Variants in DDX21 observed in about 807,000 individuals in gnomAD.
The protein encoded by DDX21 is nucleolar RNA helicase 2.
Under a neutral mutation model 90.0 loss-of-function variants are expected in DDX21, and 18 were observed. The observed-to-expected ratio is 0.20, with a 90% confidence interval of 0.14 to 0.30. The LOEUF (loss-of-function observed/expected upper bound fraction) is 0.30. Among genes scored for constraint, DDX21 ranks in the 10% least tolerant of loss-of-function variants. The probability of loss-of-function intolerance (pLI) is 1.00; values close to 1 mark genes in which losing one functional copy is unlikely to be tolerated. For missense variants in DDX21, 673 were observed against 944.5 expected (o/e 0.71, Z 3.77); for synonymous variants, 294 against 318.0 (o/e 0.92, Z 0.80).
intron 5 of DDX21, among the ~76,000 whole-genome samples, chr10:68,965,730 A>G (rs781469921): frequency 7.9e-5 from 12 of 152,148 alleles, no homozygotes; most frequent in Non-Finnish European, 1.6e-4. Flanking sequence ...CTACAAAAGT[A>G]ATTTATTATT....
In DDX21 at chr10:68,960,041, C is replaced by T; in HGVS notation, c.323C>T (p.Ser108Phe). 3 of 1,604,594 alleles carry T rather than the reference C, an allele frequency of 1.9e-6. No homozygotes were observed. Among genetic ancestry groups the T allele is most frequent in the Non-Finnish European group, 2.5e-6 (3 of 1,177,998 alleles). ...GAGCCCATTGAAAAGAAAGTGGTTTCTTCTAAAACCAAAAAAGTGACAAAA... is the reference window on the plus strand; with the variant it reads ...GAGCCCATTGAAAAGAAAGTGGTTTTTTCTAAAACCAAAAAAGTGACAAAA... Reference protein sequence around the residue: ...KKEPIEKKVVSSKTKKVTKNE... With the variant: ...KKEPIEKKVVFSKTKKVTKNE... Residue 108 changes from serine (S) to phenylalanine (F), a missense_variant, in exon 2 of 15, where the codon TCT becomes TTT. Coordinates refer to ENST00000354185, the MANE Select transcript of DDX21 (RefSeq NM_004728.4).
At chr10:68,960,761 C>T (rs1446044222) in intron 2 of DDX21, among the ~76,000 whole-genome samples, 3 of 134,298 alleles carry the variant, frequency 2.2e-5, no homozygotes, top group African/African-American at 8.7e-5. Flanking sequence ...CTGTTCCCAG[C>T]GGACTCTGTC....
intron 13 of DDX21, among the ~76,000 whole-genome samples, chr10:68,980,240 TA>T (rs537982171): frequency 4.6e-5 from 7 of 150,848 alleles, no homozygotes; most frequent in South Asian, 2.1e-4. Flanking sequence ...AACTCCGTCT[TA>T]AAAAAAAAAT....
Position 68,967,088 on chromosome 10 carries a change from T to C in DDX21, c.975T>C (p.Asn325=), listed in dbSNP as rs762830036. The change falls in exon 6 of 15, where the codon AAT becomes AAC. Residue 325 remains asparagine, a synonymous_variant. Coordinates refer to ENST00000354185, the MANE Select transcript of DDX21 (RefSeq NM_004728.4). ...GTCGTATCAAAGACCACATACAGAA[T>C]GGCAAACTAGATCTCACCAAACTTA... is the stretch of plus-strand genomic sequence containing the variant. The part of the protein sequence containing the change: ...TPGRIKDHIQ[N]GKLDLTKLKH... 4 of 1,612,484 alleles carry C rather than the reference T, an allele frequency of 2.5e-6. No individual in the cohort carries two copies. Among genetic ancestry groups the C allele is most frequent in the Non-Finnish European group, 3.4e-6 (4 of 1,179,652 alleles).
At chr10:68,962,029 A>G (rs1842877765) in intron 2 of DDX21, 53 bp from the exon 3 acceptor site, 6 of 1,376,216 alleles carry the variant, frequency 4.4e-6, no homozygotes, top group Non-Finnish European at 5.1e-6. Flanking sequence ...AAGGTTCTCT[A>G]TTAATTTGTG....
chr10:68,963,446 AG>A lies in DDX21; in HGVS notation c.765del (p.Lys256ArgfsTer21). 1 of 1,613,134 alleles carries A rather than the reference AG, an allele frequency of 6.2e-7. No individual in the cohort carries two copies. The highest frequency in any genetic ancestry group is 1.3e-5 in the African/African-American group (1 of 74,978). ...GAAACTTCATGGGGAACTGCAAGAC[AG>A]GAAGAGAGGCCGTGCCCCTCAGGTA... ...IEKLHGELQD[R>X]KRGRAPQVLV... On this transcript the variant is annotated frameshift_variant, in exon 4 of 15. Coordinates refer to ENST00000354185, the MANE Select transcript of DDX21 (RefSeq NM_004728.4). LOFTEE classifies it high-confidence loss of function.
At chr10:68,982,474 G>T in intron 14 of DDX21, 69 bp from the exon 15 acceptor site, 11 of 1,535,196 alleles carry the variant, frequency 7.2e-6, no homozygotes, top group Admixed American at 2.1e-5. Flanking sequence ...CAAATATTTT[G>T]TTTTTCTCAT....
chr10:68,970,235 C>A lies in DDX21; in HGVS notation c.1271C>A (p.Ala424Glu). ...LAIKCHWTQRAAVIGDVIRVY... is the reference protein window; with the variant it reads ...LAIKCHWTQREAVIGDVIRVY... Reference sequence around the variant, plus strand: ...ATTAAGTGCCACTGGACTCAGAGGGCAGCAGTTATTGGGGATGTCATCCGA... The same window carrying A: ...ATTAAGTGCCACTGGACTCAGAGGGAAGCAGTTATTGGGGATGTCATCCGA... Residue 424 changes from alanine (A) to glutamate (E), a missense_variant, in exon 8 of 15, where the codon GCA becomes GAA. Around this residue, in one of 4 missense-constraint regions of DDX21, gnomAD observed 218 missense variants for 347.3 expected, o/e 0.63. Transcript: ENST00000354185. 2 of 1,613,478 alleles carry A rather than the reference C, an allele frequency of 1.2e-6. No homozygotes were observed. Among genetic ancestry groups the A allele is most frequent in the Non-Finnish European group, 1.7e-6 (2 of 1,179,750 alleles).
intron 13 of DDX21, among the ~76,000 whole-genome samples, chr10:68,980,923 C>A (rs1439059428): frequency 6.7e-6 from 1 of 150,090 alleles, no homozygotes; most frequent in Non-Finnish European, 1.5e-5. Flanking sequence ...CACTGCACTC[C>A]AGCCTAGGCA....
chr10:68,977,427 A>G, intron 11 of DDX21, 102 bp from the exon 12 acceptor site: 1 of 1,071,452 alleles, frequency 9.3e-7, no homozygotes, highest in Non-Finnish European at 1.3e-6. Flanking sequence ...TATGTTACAC[A>G]TGTGAAAGAT....
chr10:68,957,378 G>A (rs1257158143), intron 1 of DDX21, among the ~76,000 whole-genome samples: 1 of 152,150 alleles, frequency 6.6e-6, no homozygotes, highest in Admixed American at 6.5e-5. Context: ...TTGCTTCCTA[G>A]TGATTTAACT....
chr10:68,974,489 A>G (rs1352169827), intron 10 of DDX21, among the ~76,000 whole-genome samples, 181 bp from the exon 11 acceptor site: 1 of 152,246 alleles, frequency 6.6e-6, no homozygotes, highest in Non-Finnish European at 1.5e-5. Context: ...GATGTTAATA[A>G]TAGCAGAAAC....
intron 5 of DDX21, among the ~76,000 whole-genome samples, chr10:68,966,717 A>C (rs1322256122): frequency 6.6e-6 from 1 of 152,130 alleles, no homozygotes; most frequent in Non-Finnish European, 1.5e-5. Flanking sequence ...CTGGGATTAC[A>C]GGCGTGACCC....
At chr10:68,973,255 C>A (rs1202685765) in intron 9 of DDX21, among the ~76,000 whole-genome samples, 1 of 152,024 alleles carries the variant, frequency 6.6e-6, no homozygotes, top group African/African-American at 2.4e-5. Flanking sequence ...TTAAAGAAAT[C>A]TTTTCAGTCT....
Position 68,960,246 on chromosome 10 carries a change from G to A in DDX21, c.528G>A (p.Glu176=). The change falls in exon 2 of 15, where the codon GAG becomes GAA. Residue 176 remains glutamate, a synonymous_variant. Transcript: ENST00000354185. ...GTGAAGAAAGTAACAGTGAGATAGA[G>A]CAGGTACATTTGCACTTCATTGGGT... ...AASEESNSEI[E]QEIPVEQKEG... 3 of 1,591,484 alleles carry A rather than the reference G, an allele frequency of 1.9e-6. No homozygotes were observed. Among genetic ancestry groups the A allele is most frequent in the South Asian group, 2.3e-5 (2 of 86,648 alleles).
intron 9 of DDX21, among the ~76,000 whole-genome samples, chr10:68,972,753 T>A (rs912940012): frequency 6.6e-6 from 1 of 152,224 alleles, no homozygotes; most frequent in Non-Finnish European, 1.5e-5. Flanking sequence ...GTGGTCTGAA[T>A]TGATCTGTGT....
Position 68,963,281 on chromosome 10 carries a change from T to C in DDX21, c.608-10T>C, listed in dbSNP as rs1406825500. Reference sequence around the variant, plus strand: ...TGCAGTGTGAGATAACACAGTTAATTTGTTCATAGGCCGAGGAGTGACCTT... The same window carrying C: ...TGCAGTGTGAGATAACACAGTTAATCTGTTCATAGGCCGAGGAGTGACCTT... On this transcript the variant is annotated splice_polypyrimidine_tract_variant and intron_variant, in intron 3 of 14. Transcript: ENST00000354185. The C allele has an allele frequency of 1.9e-6, 3 of 1,600,590 alleles. No homozygotes were observed. The highest frequency in any genetic ancestry group is 1.3e-5 in the African/African-American group (1 of 74,420).
chr10:68,968,707 G>A (rs60211679), intron 6 of DDX21, among the ~76,000 whole-genome samples: 5,002 of 152,202 alleles, frequency 0.033, 269 homozygotes, highest in African/African-American at 0.11. Context: ...AATAGATTTC[G>A]TTTGTAATTC....
chr10:68,974,836 T>A, intron 11 of DDX21, 93 bp downstream of exon 11: 1 of 1,056,414 alleles, frequency 9.5e-7, no homozygotes, highest in Non-Finnish European at 1.4e-6. Context: ...AAAAAAATTT[T>A]TTTTTTAAAA....
Sources: allele counts gnomAD v4.1 joint callset (sites outside exome capture counted in the v4.1 genomes callset), GRCh38; gene constraint gnomAD v4.1.1; regional missense constraint gnomAD v4.1.1; transcripts MANE v1.5; gene names NCBI Gene and HGNC (gene_info 2026-07-23, HGNC 2026-07-21).